Variants in CDH4 observed in about 807,000 individuals in gnomAD.
The protein encoded by CDH4 is cadherin-4.
In CDH4, 33 loss-of-function variants were observed where a neutral mutation model predicts 86.0. The ratio of observed to expected loss-of-function variants is 0.38; its 90% CI spans 0.29 to 0.51. CDH4 has a LOEUF of 0.51. Ranked by LOEUF, CDH4 falls within the 20% of genes least tolerant of loss-of-function variation. The pLI, the probability that CDH4 is intolerant of heterozygous loss-of-function variation, is 0.86. For missense variants in CDH4, 1,114 were observed against 1,307.4 expected, an observed-to-expected ratio of 0.85 and a Z score of 2.28; for synonymous variants, 555 against 549.4, an observed-to-expected ratio of 1.01 and a Z score of -0.14.
intron 2 of CDH4, among the ~76,000 whole-genome samples, chr20:61,700,721 G>A (rs1249963201): frequency 6.6e-6 from 1 of 152,180 alleles, no homozygotes; most frequent in Non-Finnish European, 1.5e-5. Flanking sequence ...CGGCCTCACT[G>A]TGGGGCCATG....
chr20:61,733,683 A>T (rs915239023), intron 2 of CDH4, among the ~76,000 whole-genome samples: 1 of 152,030 alleles, frequency 6.6e-6, no homozygotes, highest in Non-Finnish European at 1.5e-5. Flanking sequence ...GAAAGAGAGA[A>T]AGAAAGGAAA....
rs765009826 is a variant in CDH4, at chr20:61,352,491, C to G, written c.169+97554C>G. 4.9e-4 allele frequency among the ~76,000 whole-genome samples: 75 copies of G among 152,364 alleles called. 1 individual carries two copies. The highest frequency in any genetic ancestry group is 5.9e-4 in the Admixed American group (9 of 15,308). On this transcript the variant is annotated intron_variant, in intron 2 of 15. Transcript: ENST00000614565. ...GCTTTAGAAAGGACTGCACTGGCCC[C>G]CGTGCCTGCCAGCGGGGTGTGAGCC... is the stretch of plus-strand genomic sequence containing the variant.
intron 15 of CDH4, among the ~76,000 whole-genome samples, chr20:61,936,427 CCCA>C (rs1568900717): frequency 1.6e-5 from 1 of 60,670 alleles, no homozygotes; most frequent in Admixed American, 1.5e-4. Flanking sequence ...CACCCCCCCC[CCCA>C]TCTGCCCTTG....
rs1568820305 is a variant in CDH4, at chr20:61,378,523, C to G, written c.169+123586C>G. Among the ~76,000 whole-genome samples the G allele has an allele frequency of 2.6e-5, 4 of 152,292 alleles. No individual in the cohort carries two copies. The South Asian group carries it at 6.2e-4, about 24-fold the overall frequency. The stretch of plus-strand genomic sequence containing the variant: ...GTGACCACATCACTCTAGTCTCTGT[C>G]TCTGTCTTCCCGCGGCCTTCTCCTC... On this transcript the variant is annotated intron_variant, in intron 2 of 15. Coordinates refer to ENST00000614565, the MANE Select transcript of CDH4 (RefSeq NM_001794.5).
At chr20:61,389,926 C>A (rs1296802372) in intron 2 of CDH4, among the ~76,000 whole-genome samples, 5 of 149,904 alleles carry the variant, frequency 3.3e-5, no homozygotes, top group Non-Finnish European at 5.9e-5. Context: ...TCTAGGAAAC[C>A]CCGATTGGGT....
At chr20:61,670,028 G>A (rs1401150553) in intron 2 of CDH4, among the ~76,000 whole-genome samples, 1 of 152,190 alleles carries the variant, frequency 6.6e-6, no homozygotes, top group Non-Finnish European at 1.5e-5. Flanking sequence ...GATCTAATGA[G>A]TATGAGGAAT....
chr20:61,808,448 G>C (rs560214929), intron 4 of CDH4, among the ~76,000 whole-genome samples: 1 of 152,080 alleles, frequency 6.6e-6, no homozygotes, highest in Admixed American at 6.5e-5. Context: ...GAAAGCCTCC[G>C]TGTAGACTTC....
intron 2 of CDH4, among the ~76,000 whole-genome samples, chr20:61,585,263 A>T (rs1244692058): frequency 6.6e-6 from 1 of 152,180 alleles, no homozygotes; most frequent in African/African-American, 2.4e-5. Context: ...CCGAGGGGCT[A>T]TTGGTCATTT....
intron 2 of CDH4, among the ~76,000 whole-genome samples, chr20:61,573,030 T>TTGGATGGTTGGATGGATGGA (rs1555810028): frequency 3.3e-4 from 47 of 140,444 alleles, no homozygotes; most frequent in African/African-American, 1.3e-3. Context: ...GGATGGATGG[T>TTGGATGGTTGGATGGATGGA]TGGATGGATG....
chr20:61,382,532 G>A (rs529354835), intron 2 of CDH4, among the ~76,000 whole-genome samples: 1 of 152,314 alleles, frequency 6.6e-6, no homozygotes, highest in African/African-American at 2.4e-5. Flanking sequence ...GCTTCCCAGG[G>A]CTGTTGTGAC....
chr20:61,344,104 C>T (rs550276709), intron 2 of CDH4, among the ~76,000 whole-genome samples: 37 of 152,116 alleles, frequency 2.4e-4, no homozygotes, highest in African/African-American at 7.7e-4. Flanking sequence ...TCCACGTGAG[C>T]GGTCACTGTG....
intron 4 of CDH4, among the ~76,000 whole-genome samples, chr20:61,831,967 C>T (rs1457996653): frequency 6.6e-6 from 1 of 152,222 alleles, no homozygotes; most frequent in African/African-American, 2.4e-5. Flanking sequence ...CGGCTGGAGC[C>T]TGCCTGCATC....
chr20:61,713,233 T>C (rs370442599), intron 2 of CDH4, among the ~76,000 whole-genome samples: 11 of 152,224 alleles, frequency 7.2e-5, no homozygotes, highest in Admixed American at 2.0e-4. Context: ...CTGCATGTCC[T>C]CCAGGTTCAA....
chr20:61,304,532 G>A (rs549025249), intron 2 of CDH4, among the ~76,000 whole-genome samples: 65 of 152,062 alleles, frequency 4.3e-4, no homozygotes, highest in Non-Finnish European at 7.8e-4. Context: ...TGTTGTATAT[G>A]GTGCATATGC....
intron 4 of CDH4, among the ~76,000 whole-genome samples, chr20:61,797,083 GC>G (rs10541512): frequency 0.083 from 12,349 of 147,944 alleles, 562 homozygotes; most frequent in Middle Eastern, 0.13. Context: ...GACAGGAAGA[GC>G]CCCCCCCCCC....
At chr20:61,844,538 C>A in intron 4 of CDH4, 130 bp from the exon 5 acceptor site, 1 of 819,546 alleles carries the variant, frequency 1.2e-6, no homozygotes, top group Non-Finnish European at 1.9e-6. Context: ...GAAAGATCAG[C>A]TGTGGTCCCC....
chr20:61,532,394 A>G (rs528004232), intron 2 of CDH4, among the ~76,000 whole-genome samples: 2 of 152,326 alleles, frequency 1.3e-5, no homozygotes, highest in African/African-American at 4.8e-5. Flanking sequence ...AAATGTAAAA[A>G]TGGAGCCCCG....
At chr20:61,913,497 G>A (rs941133516) in intron 9 of CDH4, among the ~76,000 whole-genome samples, 9 of 152,172 alleles carry the variant, frequency 5.9e-5, no homozygotes, top group East Asian at 1.9e-4. Context: ...GCAGGCCCAC[G>A]GAGCCCCTTG....
At position 61,810,681 on chromosome 20, in the gene CDH4, A is replaced by G. The variant is rs1980387570; in HGVS notation, c.577-33987A>G. Among the ~76,000 whole-genome samples, 2 of 152,156 alleles carry G rather than the reference A, an allele frequency of 1.3e-5. No individual in the cohort carries two copies. The highest frequency in any genetic ancestry group is 2.9e-5 in the Non-Finnish European group (2 of 68,046). On this transcript the variant is annotated intron_variant, in intron 4 of 15. Coordinates refer to ENST00000614565, the MANE Select transcript of CDH4 (RefSeq NM_001794.5). The surrounding 1 kb of genome is among the most constrained non-coding windows in gnomAD (Gnocchi z 4.3). ...ACCACTCCAGGGCTATAAAACATTTAATTTTGGAAAAAATCAGTACTCTGC... is the reference window on the plus strand; with the variant it reads ...ACCACTCCAGGGCTATAAAACATTTGATTTTGGAAAAAATCAGTACTCTGC...
Sources: gnomAD v4.1 joint callset for allele counts (sites outside exome capture counted in the v4.1 genomes callset) on GRCh38, gnomAD v4.1.1 for gene constraint, Gnocchi (gnomAD v3.1) non-coding constraint, MANE v1.5 for transcripts, NCBI Gene and HGNC (gene_info 2026-07-23, HGNC 2026-07-21) for gene names.